Variants in LAMA3 observed in about 807,000 individuals in gnomAD.
The protein encoded by LAMA3 is laminin subunit alpha 3.
A neutral mutation model predicts 402.0 loss-of-function variants in LAMA3; 281 were observed. The ratio of observed to expected loss-of-function variants is 0.70; its 90% CI spans 0.63 to 0.77. The LOEUF (loss-of-function observed/expected upper bound fraction) is 0.77, where lower values mean the gene tolerates loss of function less well. Among genes scored for constraint, LAMA3 ranks in the 30% least tolerant of loss-of-function variants. The pLI is 0.00. For missense variants in LAMA3, 3,840 were observed against 4,215.5 expected, an observed-to-expected ratio of 0.91 and a Z score of 2.47; for synonymous variants, 1,431 against 1,558.4, an observed-to-expected ratio of 0.92 and a Z score of 1.93.
intron 42 of LAMA3, 43 bp downstream of exon 42, chr18:23,890,160 T>C (rs749326801): frequency 7.7e-7 from 1 of 1,296,964 alleles, no homozygotes; most frequent in South Asian, 1.2e-5. Context: ...TTTATAAAGC[T>C]GGTATAACTT....
At position 23,933,868 on chromosome 18, in the gene LAMA3, C is replaced by G. The variant is rs1327835955; in HGVS notation, c.8795C>G (p.Pro2932Arg). ...CTGGGAGGCTGCAGTTTAAACAAAC[C>G]ACCTTTTCTAATGTTGCTTAAAGGT... ...VSLGGCSLNK[P>R]PFLMLLKGST... Residue 2932 changes from proline to arginine, a missense_variant, in exon 67 of 75, where the codon CCA (proline) becomes CGA (arginine). Transcript: ENST00000313654. 2 of 1,613,888 alleles carry G rather than the reference C, an allele frequency of 1.2e-6. No individual in the cohort carries two copies. Among genetic ancestry groups the G allele is most frequent in the African/African-American group, 1.3e-5 (1 of 74,916 alleles).
chr18:23,839,479 A>G lies in LAMA3; in HGVS notation c.3192-306A>G, dbSNP rs947130737. On this transcript the variant is annotated intron_variant, in intron 26 of 74. Coordinates refer to ENST00000313654, the MANE Select transcript of LAMA3 (RefSeq NM_198129.4). The surrounding 1 kb of genome is among the most constrained non-coding windows in gnomAD (Gnocchi z 4.5). ...TTAGAGGTGAATAATGTTTTATTGT[A>G]TTGATCTCATTTTAACAATTAATTT... is the stretch of plus-strand genomic sequence containing the variant. 7.2e-5 allele frequency among the ~76,000 whole-genome samples: 11 copies of G among 152,230 alleles called. No homozygotes were observed. Among genetic ancestry groups the G allele is most frequent in the Admixed American group, 2.0e-4 (3 of 15,292 alleles).
intron 2 of LAMA3, among the ~76,000 whole-genome samples, chr18:23,728,471 GT>G (rs961618813): frequency 2.0e-5 from 3 of 152,174 alleles, no homozygotes; most frequent in African/African-American, 7.2e-5. Context: ...TCCAGCATCT[GT>G]TCCCTCTCCT....
At chr18:23,762,860 ATT>A (rs113500529) in intron 7 of LAMA3, among the ~76,000 whole-genome samples, 5 of 106,758 alleles carry the variant, frequency 4.7e-5, no homozygotes, top group Non-Finnish European at 5.3e-5. Flanking sequence ...ATATATATAT[ATT>A]TTTTTTTTTT....
In LAMA3 at chr18:23,758,477, G is replaced by T; in HGVS notation, c.1029G>T (p.Arg343=). 6.2e-7 allele frequency: 1 copy of T among 1,613,606 alleles called. No homozygotes were observed. The highest frequency in any genetic ancestry group is 8.5e-7 in the Non-Finnish European group (1 of 1,179,948). ...CAGGGTACAATCAGAGGCGCTGGCG[G>T]CCCGCCGCTTGGGAGCAGAGCCACG... ...CCTGYNQRRW[R]PAAWEQSHEC... Residue 343 remains arginine (R), a synonymous_variant, in exon 7 of 75, where the codon CGG becomes CGT. Transcript: ENST00000313654.
intron 68 of LAMA3, among the ~76,000 whole-genome samples, chr18:23,942,719 C>T (rs892584132): frequency 1.3e-5 from 2 of 151,972 alleles, no homozygotes; most frequent in African/African-American, 4.8e-5. Flanking sequence ...GTTGGGATTA[C>T]AGGCACCACC....
At chr18:23,706,671 T>C (rs2060895540) in intron 1 of LAMA3, among the ~76,000 whole-genome samples, 1 of 152,196 alleles carries the variant, frequency 6.6e-6, no homozygotes, top group Non-Finnish European at 1.5e-5. Flanking sequence ...ATTTGTAGGA[T>C]TGTTAGGAAT....
intron 2 of LAMA3, among the ~76,000 whole-genome samples, chr18:23,743,180 C>A (rs769295196): frequency 3.9e-5 from 6 of 152,142 alleles, no homozygotes; most frequent in Admixed American, 3.9e-4. Context: ...AGATATTATT[C>A]TTCATTTTCT....
chr18:23,936,569 T>C (rs1300276344), intron 67 of LAMA3, among the ~76,000 whole-genome samples: 3 of 151,972 alleles, frequency 2.0e-5, no homozygotes. Context: ...GGTTCAGAAA[T>C]GGACATGTGA....
chr18:23,871,758 C>G, intron 38 of LAMA3, 97 bp downstream of exon 38: 3 of 919,080 alleles, frequency 3.3e-6, no homozygotes, highest in Non-Finnish European at 3.5e-6. Flanking sequence ...GGCCCTCTGT[C>G]TATTGTTTCT....
At chr18:23,789,461 A>G (rs2062609285) in intron 12 of LAMA3, among the ~76,000 whole-genome samples, 1 of 152,242 alleles carries the variant, frequency 6.6e-6, no homozygotes, top group African/African-American at 2.4e-5. Flanking sequence ...TGGGATAGCC[A>G]TACAATAGAA....
chr18:23,694,683 G>A (rs2060651932), intron 1 of LAMA3, among the ~76,000 whole-genome samples: 1 of 152,194 alleles, frequency 6.6e-6, no homozygotes, highest in South Asian at 2.1e-4. Flanking sequence ...CTATACTACT[G>A]TCACAGACAT....
intron 32 of LAMA3, among the ~76,000 whole-genome samples, chr18:23,853,090 A>C (rs563846299): frequency 6.6e-6 from 1 of 152,182 alleles, no homozygotes; most frequent in African/African-American, 2.4e-5. Context: ...AAACATGTCC[A>C]CATCAAGACT....
intron 19 of LAMA3, among the ~76,000 whole-genome samples, chr18:23,821,215 G>T (rs73969532): frequency 6.6e-6 from 1 of 152,176 alleles, no homozygotes; most frequent in Non-Finnish European, 1.5e-5. Context: ...GACCTTGATG[G>T]TGTCCCCAGC....
chr18:23,885,027 T>C (rs1439906426), intron 41 of LAMA3, among the ~76,000 whole-genome samples, 174 bp downstream of exon 41: 1 of 152,018 alleles, frequency 6.6e-6, no homozygotes, highest in Non-Finnish European at 1.5e-5. Flanking sequence ...ATTAATATCA[T>C]TCTCTTTCCT....
chr18:23,784,283 T>C, intron 12 of LAMA3, 126 bp downstream of exon 12: 1 of 1,095,386 alleles, frequency 9.1e-7, no homozygotes, highest in South Asian at 1.3e-5. Flanking sequence ...CTGGCTTATA[T>C]ATGGATGTTA....
Position 23,949,110 on chromosome 18 carries a change from G to T in LAMA3, c.9352-655G>T, listed in dbSNP as rs551607591. On this transcript the variant is annotated intron_variant, in intron 70 of 74. Coordinates refer to ENST00000313654, the MANE Select transcript of LAMA3 (RefSeq NM_198129.4). ...AGCCTGTTCCTGGGCCCCAGGAGAG[G>T]AGTCCCCTGTTCCAGCCGGCTCTAG... 2.0e-5 allele frequency among the ~76,000 whole-genome samples: 3 copies of T among 152,236 alleles called. No individual in the cohort carries two copies. In the South Asian group the frequency reaches 6.2e-4, roughly 32 times the overall value.
At chr18:23,741,449 T>G (rs909716495) in intron 2 of LAMA3, among the ~76,000 whole-genome samples, 1 of 152,180 alleles carries the variant, frequency 6.6e-6, no homozygotes, top group African/African-American at 2.4e-5. Flanking sequence ...ACCAGGTTAA[T>G]AAACTGCAGT....
rs143437938 is a variant in LAMA3 at position 23,909,205 on chromosome 18, C to G, written c.7068C>G (p.Ile2356Met). 10 of 1,613,680 alleles carry G rather than the reference C, an allele frequency of 6.2e-6. No homozygotes were observed. In the African/African-American group the frequency reaches 1.2e-4, roughly 19 times the overall value. Residue 2356 changes from isoleucine to methionine, a missense_variant, in exon 55 of 75, where the codon ATC (isoleucine) becomes ATG (methionine). Coordinates refer to ENST00000313654, the MANE Select transcript of LAMA3 (RefSeq NM_198129.4). ...LPDLWRKIES[I>M]NQQLLPLGNI... The stretch of plus-strand genomic sequence containing the variant: ...ATCTTTGGCGCAAGATTGAAAGTAT[C>G]AACCAACAGCTGTTGCCCTTGGGAA...
Sources: allele counts gnomAD v4.1 joint callset (sites outside exome capture counted in the v4.1 genomes callset), GRCh38; gene constraint gnomAD v4.1.1; non-coding constraint Gnocchi (gnomAD v3.1); transcripts MANE v1.5; gene names NCBI Gene and HGNC (gene_info 2026-07-23, HGNC 2026-07-21).